The following ADGRL3 variants were observed in gnomAD, a reference collection of about 807,000 sequenced individuals.
The protein encoded by ADGRL3 is adhesion G protein-coupled receptor L3.
Under a neutral mutation model 153.5 loss-of-function variants are expected in ADGRL3, and 62 were observed. The ratio of observed to expected loss-of-function variants is 0.40; its 90% CI spans 0.33 to 0.50. The LOEUF is 0.50. ADGRL3 is among the 20% of genes least tolerant of loss of function. The pLI is 0.47. For missense variants in ADGRL3, 1,641 were observed against 1,859.4 expected (o/e 0.88, Z 2.16); for synonymous variants, 710 against 672.5 (o/e 1.06, Z -0.86).
intron 2 of ADGRL3, among the ~76,000 whole-genome samples, chr4:61,416,378 CA>C (rs917693086): frequency 6.0e-5 from 9 of 150,518 alleles, no homozygotes; most frequent in Admixed American, 5.9e-4. Flanking sequence ...ATTGGACTGA[CA>C]TATTTTTCTT....
At chr4:61,213,774 T>A (rs566407100) in intron 1 of ADGRL3, among the ~76,000 whole-genome samples, 5 of 152,212 alleles carry the variant, frequency 3.3e-5, no homozygotes, top group African/African-American at 1.2e-4. Flanking sequence ...CATTTACTTA[T>A]TCATGTGGGT....
intron 4 of ADGRL3, among the ~76,000 whole-genome samples, chr4:61,560,137 C>G (rs1579533338): frequency 6.6e-6 from 1 of 152,066 alleles, no homozygotes; most frequent in Non-Finnish European, 1.5e-5. Context: ...AACCTCCATA[C>G]TTCTATTATG....
At chr4:61,517,258 C>T (rs1174795425) in intron 3 of ADGRL3, 57 bp from the exon 4 acceptor site, 6 of 692,264 alleles carry the variant, frequency 8.7e-6, no homozygotes, top group South Asian at 7.5e-5. Flanking sequence ...CCAGGGCTCC[C>T]CTGAGGCGGG....
chr4:61,497,594 C>T (rs1390452258), intron 3 of ADGRL3, among the ~76,000 whole-genome samples: 43 of 148,544 alleles, frequency 2.9e-4, no homozygotes, highest in Non-Finnish European at 2.8e-4. Context: ...CGGCTTACTG[C>T]AACCTCTGTC....
chr4:61,933,805 C>T (rs1486607536), intron 13 of ADGRL3: 3 of 152,176 alleles, frequency 2.0e-5, no homozygotes, highest in East Asian at 1.9e-4. Context: ...CCCAGCCCCT[C>T]GGCCAATGTG....
At chr4:61,749,350 C>G (rs1004342124) in intron 8 of ADGRL3, among the ~76,000 whole-genome samples, 2 of 152,068 alleles carry the variant, frequency 1.3e-5, no homozygotes, top group Non-Finnish European at 2.9e-5. Flanking sequence ...CCCAGGCATC[C>G]CATTACTGGG....
rs748310805 is a variant in ADGRL3 at position 61,340,316 on chromosome 4, C to T, written c.-239-42808C>T. Among the ~76,000 whole-genome samples the T allele has an allele frequency of 9.0e-4, 137 of 152,246 alleles. 1 individual carries two copies. The highest frequency in any genetic ancestry group is 1.3e-3 in the Non-Finnish European group (91 of 68,010). On this transcript the variant is annotated intron_variant, in intron 1 of 26. Coordinates refer to ENST00000683033, the MANE Select transcript of ADGRL3 (RefSeq NM_001387552.1). ...ACGCTTCTCAGTGAATTTGTTCTCT[C>T]GTTTCCTCTTTGCTTCCACATCTTC...
intron 8 of ADGRL3, among the ~76,000 whole-genome samples, chr4:61,734,085 A>C (rs945134872): frequency 5.9e-5 from 9 of 152,194 alleles, no homozygotes; most frequent in African/African-American, 2.2e-4. Context: ...GTTGAGAAAA[A>C]TGTTCATAAC....
chr4:61,392,745 G>T (rs1162723852), intron 2 of ADGRL3, among the ~76,000 whole-genome samples: 1 of 126,448 alleles, frequency 7.9e-6, no homozygotes, highest in Non-Finnish European at 1.8e-5. Flanking sequence ...AGAGTCTCAT[G>T]AGAAAATATT....
At chr4:62,053,223 G>A (rs1735142900) in intron 25 of ADGRL3, among the ~76,000 whole-genome samples, 1 of 151,434 alleles carries the variant, frequency 6.6e-6, no homozygotes, top group Non-Finnish European at 1.5e-5. Context: ...ATTAAAATGT[G>A]AAAGGAGGAT....
At chr4:61,218,985 G>A (rs1744149980) in intron 1 of ADGRL3, among the ~76,000 whole-genome samples, 1 of 152,196 alleles carries the variant, frequency 6.6e-6, no homozygotes, top group Non-Finnish European at 1.5e-5. Context: ...GCTGCTCTAT[G>A]TAGACATAAT....
At chr4:61,780,764 T>G (rs567304062) in intron 8 of ADGRL3, among the ~76,000 whole-genome samples, 5 of 152,290 alleles carry the variant, frequency 3.3e-5, no homozygotes, top group Admixed American at 3.3e-4. Context: ...AAGGCCAGCA[T>G]GAATGGCACT....
At chr4:61,600,808 TTTAGCAATACA>T (rs1306856884) in intron 5 of ADGRL3, among the ~76,000 whole-genome samples, 4 of 152,226 alleles carry the variant, frequency 2.6e-5, no homozygotes, top group Admixed American at 2.6e-4. Flanking sequence ...TTATTATGCC[TTTAGCAATACA>T]TTAGCTTCAC....
intron 9 of ADGRL3, among the ~76,000 whole-genome samples, chr4:61,838,412 T>C (rs1239559022): frequency 6.6e-6 from 1 of 152,204 alleles, no homozygotes; most frequent in Non-Finnish European, 1.5e-5. Context: ...GGATTTCTCA[T>C]GGTAGTTAAG....
At chr4:61,947,230 A>ATGAACTGTTATATGT in intron 16 of ADGRL3, 108 bp downstream of exon 16, 1 of 873,464 alleles carries the variant, frequency 1.1e-6, no homozygotes, top group Non-Finnish European at 1.7e-6. Context: ...TTGACATATA[A>ATGAACTGTTATATGT]CAGTTCATTA....
At chr4:61,685,763 T>A (rs2095431018) in intron 6 of ADGRL3, among the ~76,000 whole-genome samples, 1 of 152,090 alleles carries the variant, frequency 6.6e-6, no homozygotes, top group African/African-American at 2.4e-5. Context: ...GTTTCTAGGA[T>A]CTGTTGAGAA....
chr4:61,594,059 T>G (rs2098979899), intron 5 of ADGRL3, among the ~76,000 whole-genome samples: 1 of 152,186 alleles, frequency 6.6e-6, no homozygotes, highest in Admixed American at 6.6e-5. Flanking sequence ...TAATTCTTTC[T>G]CTGTTTGATC....
chr4:61,203,971 T>G (rs2148719942), intron 1 of ADGRL3, among the ~76,000 whole-genome samples: 1 of 152,324 alleles, frequency 6.6e-6, no homozygotes, highest in Admixed American at 6.5e-5. Flanking sequence ...AAACACAGTT[T>G]ATAAAGTGTT....
intron 5 of ADGRL3, among the ~76,000 whole-genome samples, chr4:61,632,291 A>G (rs1032226814): frequency 2.4e-4 from 37 of 152,132 alleles, no homozygotes; most frequent in Non-Finnish European, 5.0e-4. Context: ...ATAAATGTCT[A>G]TATATATATT....
Sources: gnomAD v4.1 joint callset for allele counts (sites outside exome capture counted in the v4.1 genomes callset) on GRCh38, gnomAD v4.1.1 for gene constraint, MANE v1.5 for transcripts, NCBI Gene and HGNC (gene_info 2026-07-23, HGNC 2026-07-21) for gene names.